The following CFAP54 variants were observed in gnomAD, a reference collection of about 807,000 sequenced individuals.
The protein encoded by CFAP54 is cilia- and flagella-associated protein 54.
A neutral mutation model predicts 370.4 loss-of-function variants in CFAP54; 290 were observed. That is an observed-to-expected ratio of 0.78 (90% confidence interval 0.71 to 0.86). The LOEUF (loss-of-function observed/expected upper bound fraction) is 0.86. Among genes scored for constraint, CFAP54 ranks in the 40% least tolerant of loss-of-function variants. CFAP54 has a pLI of 0.00. For synonymous variants in CFAP54, 1,206 were observed against 1,236.5 expected, an observed-to-expected ratio of 0.98 and a Z score of 0.52; for missense variants, 3,399 against 3,528.7, an observed-to-expected ratio of 0.96 and a Z score of 0.93.
At chr12:96,513,746 TG>T (rs983559327) in intron 5 of CFAP54, among the ~76,000 whole-genome samples, 1 of 151,068 alleles carries the variant, frequency 6.6e-6, no homozygotes, top group Non-Finnish European at 1.5e-5. Flanking sequence ...GTGTCTCAAA[TG>T]AAAAAAAAAT....
At chr12:96,518,893 T>A in intron 5 of CFAP54, 35 bp from the exon 6 acceptor site, 1 of 1,492,958 alleles carries the variant, frequency 6.7e-7, no homozygotes, top group Non-Finnish European at 8.9e-7. Context: ...TAACTTCAAA[T>A]GAAAACAAAT....
chr12:96,730,005 G>A (rs1020940215), intron 50 of CFAP54, among the ~76,000 whole-genome samples: 5 of 152,154 alleles, frequency 3.3e-5, no homozygotes, highest in Non-Finnish European at 7.4e-5. Context: ...GCACACAGTC[G>A]AGTAGGAGCC....
intron 66 of CFAP54, among the ~76,000 whole-genome samples, chr12:96,840,972 G>A (rs1022829340): frequency 2.6e-5 from 4 of 152,164 alleles, no homozygotes; most frequent in East Asian, 1.9e-4. Flanking sequence ...GCTGTTTATA[G>A]CATTTCCAAA....
At chr12:96,542,757 C>T (rs1471671896) in intron 14 of CFAP54, among the ~76,000 whole-genome samples, 2 of 152,134 alleles carry the variant, frequency 1.3e-5, no homozygotes, top group African/African-American at 2.4e-5. Flanking sequence ...GGAATAATTC[C>T]GATGTCCCTG....
At chr12:96,504,629 G>A (rs1400520199) in intron 3 of CFAP54, among the ~76,000 whole-genome samples, 1 of 152,140 alleles carries the variant, frequency 6.6e-6, no homozygotes, top group East Asian at 1.9e-4. Context: ...CCCACTTAAA[G>A]CAATGGGCAG....
intron 4 of CFAP54, among the ~76,000 whole-genome samples, chr12:96,509,860 C>T (rs921245617): frequency 1.3e-5 from 2 of 151,334 alleles, no homozygotes; most frequent in Non-Finnish European, 2.9e-5. Flanking sequence ...TAAGTAATAC[C>T]TTACTTTTCA....
intron 58 of CFAP54, among the ~76,000 whole-genome samples, chr12:96,762,343 A>G (rs544757548): frequency 4.2e-4 from 64 of 152,326 alleles, no homozygotes; most frequent in African/African-American, 1.5e-3. Context: ...TTCTACATAT[A>G]GGATCATGTC....
chr12:96,526,197 T>C (rs1269657389), intron 8 of CFAP54, among the ~76,000 whole-genome samples: 1 of 152,202 alleles, frequency 6.6e-6, no homozygotes, highest in Admixed American at 6.5e-5. Context: ...TAGAAAAGCC[T>C]ACTAAAACTA....
At chr12:96,564,389 A>G (rs1955844458) in intron 17 of CFAP54, 79 bp from the exon 18 acceptor site, 1 of 577,946 alleles carries the variant, frequency 1.7e-6, no homozygotes, top group Non-Finnish European at 3.1e-6. Context: ...CTTTATGAAT[A>G]GTTACTCCTT....
chr12:96,760,674 A>G (rs1368234828), intron 58 of CFAP54, among the ~76,000 whole-genome samples: 1 of 152,170 alleles, frequency 6.6e-6, no homozygotes, highest in African/African-American at 2.4e-5. Flanking sequence ...CTCGGACTAC[A>G]GGCATGTACC....
intron 67 of CFAP54, among the ~76,000 whole-genome samples, chr12:96,874,290 T>G (rs1343426575): frequency 1.3e-5 from 2 of 152,218 alleles, no homozygotes; most frequent in African/African-American, 4.8e-5. Flanking sequence ...TTTACATTTC[T>G]AATATGCATA....
intron 22 of CFAP54, among the ~76,000 whole-genome samples, chr12:96,582,820 G>T (rs1280088399): frequency 6.6e-6 from 1 of 151,994 alleles, no homozygotes; most frequent in Non-Finnish European, 1.5e-5. Flanking sequence ...ATTTATGATG[G>T]TTTATGTGCA....
intron 1 of CFAP54, 54 bp from the exon 2 acceptor site, chr12:96,500,780 A>G: frequency 1.6e-6 from 2 of 1,281,696 alleles, no homozygotes; most frequent in Non-Finnish European, 2.1e-6. Context: ...TTGCAAATTA[A>G]TTGGGGTTTC....
At chr12:96,826,295 A>C (rs1007672211) in intron 65 of CFAP54, among the ~76,000 whole-genome samples, 1 of 143,514 alleles carries the variant, frequency 7.0e-6, no homozygotes, top group African/African-American at 2.5e-5. Flanking sequence ...TTCAAGACAT[A>C]TATATATAGA....
At chr12:96,814,180 T>A (rs1958954185) in intron 64 of CFAP54, among the ~76,000 whole-genome samples, 1 of 152,220 alleles carries the variant, frequency 6.6e-6, no homozygotes, top group Middle Eastern at 3.2e-3. Context: ...TCCCAAGTAT[T>A]ATAAAGGAAA....
At chr12:96,589,628 G>T (rs1204676537) in intron 23 of CFAP54, 65 bp downstream of exon 23, 3 of 1,000,654 alleles carry the variant, frequency 3.0e-6, no homozygotes, top group African/African-American at 1.6e-5. Context: ...TGGATGCGAA[G>T]CCTGGAATTA....
intron 38 of CFAP54, 132 bp from the exon 39 acceptor site, chr12:96,663,698 C>A: frequency 3.2e-6 from 2 of 624,710 alleles, no homozygotes; most frequent in Non-Finnish European, 2.8e-6. Context: ...CACTATTCTG[C>A]CAGCTTTTTT....
chr12:96,696,078 G>A (rs1298142239), intron 45 of CFAP54, among the ~76,000 whole-genome samples: 1 of 152,196 alleles, frequency 6.6e-6, no homozygotes, highest in African/African-American at 2.4e-5. Flanking sequence ...CTTGAAAAGA[G>A]TAGAATTCAT....
chr12:96,649,882 G>A lies in CFAP54; in HGVS notation c.4691-9G>A, dbSNP rs756665113. The A allele has an allele frequency of 1.3e-6, 2 of 1,550,984 alleles. No individual in the cohort carries two copies. The highest frequency in any genetic ancestry group is 1.8e-5 in the Admixed American group (1 of 54,142). ...TTTAATCATGTCATATCTTATTTTT[G>A]TACTGTAGATGCTGAAGAATTTTCT... On this transcript the variant is annotated splice_polypyrimidine_tract_variant and intron_variant, in intron 34 of 67. Transcript: ENST00000524981.
Sources: allele counts gnomAD v4.1 joint callset (sites outside exome capture counted in the v4.1 genomes callset), GRCh38; gene constraint gnomAD v4.1.1; transcripts MANE v1.5; gene names NCBI Gene and HGNC (gene_info 2026-07-23, HGNC 2026-07-21).